Variants in LEMD3 observed in about 807,000 individuals in gnomAD.
The protein encoded by LEMD3 is inner nuclear membrane protein Man1.
A neutral mutation model predicts 95.2 loss-of-function variants in LEMD3; 33 were observed. The ratio of observed to expected loss-of-function variants is 0.35; its 90% CI spans 0.26 to 0.46. LEMD3 has a LOEUF of 0.46. Among genes scored for constraint, LEMD3 ranks in the 20% least tolerant of loss-of-function variants. The probability of loss-of-function intolerance (pLI) is 1.00; values close to 1 mark genes in which losing one functional copy is unlikely to be tolerated. For synonymous variants in LEMD3, 525 were observed against 474.6 expected (o/e 1.11, Z -1.38); for missense variants, 1,210 against 1,192.8 (o/e 1.01, Z -0.21).
Position 65,169,937 on chromosome 12 carries a change from G to C in LEMD3, c.341G>C (p.Gly114Ala). The C allele has an allele frequency of 6.9e-7, 1 of 1,452,178 alleles. No individual in the cohort carries two copies. Among genetic ancestry groups the C allele is most frequent in the Non-Finnish European group, 9.0e-7 (1 of 1,110,034 alleles). The allele number at this position is 1,452,178 out of a possible 1,614,324, so 90.0% of individuals were successfully genotyped here. The change falls in exon 1 of 13, where the codon GGC becomes GCC. Residue 114 changes from glycine to alanine, a missense_variant. Around this residue, in one of 2 missense-constraint regions of LEMD3, gnomAD observed 749 missense variants for 622.9 expected, o/e 1.20. Coordinates refer to ENST00000308330, the MANE Select transcript of LEMD3 (RefSeq NM_014319.5). ...PGGLCRISAS[G>A]PESLLGGPGG... The stretch of plus-strand genomic sequence containing the variant: ...GGCCTGTGCCGAATCTCGGCCTCTG[G>C]CCCAGAGAGCCTCCTGGGAGGGCCC...
chr12:65,188,314 T>G (rs973335926), intron 1 of LEMD3, among the ~76,000 whole-genome samples: 3 of 152,226 alleles, frequency 2.0e-5, no homozygotes, highest in Non-Finnish European at 2.9e-5. Flanking sequence ...CGGGGAGAGA[T>G]AGCCTAGTAA....
intron 4 of LEMD3, among the ~76,000 whole-genome samples, chr12:65,219,057 G>A (rs537473039): frequency 6.6e-6 from 1 of 152,260 alleles, no homozygotes; most frequent in South Asian, 2.1e-4. Context: ...CTCCCAAAGT[G>A]CTGGGATTAT....
At chr12:65,207,688 C>T (rs993746780) in intron 1 of LEMD3, among the ~76,000 whole-genome samples, 11 of 152,154 alleles carry the variant, frequency 7.2e-5, no homozygotes, top group South Asian at 2.1e-4. Context: ...CCAAAGAAAG[C>T]GTAGGAAAGC....
intron 3 of LEMD3, among the ~76,000 whole-genome samples, chr12:65,217,286 G>T (rs754295831): frequency 2.0e-5 from 3 of 152,142 alleles, no homozygotes; most frequent in Non-Finnish European, 2.9e-5. Context: ...AATGAGCTTG[G>T]CTGTATTCCA....
chr12:65,207,689 G>T, intron 1 of LEMD3, among the ~76,000 whole-genome samples: 1 of 152,064 alleles, frequency 6.6e-6, no homozygotes, highest in East Asian at 1.9e-4. Flanking sequence ...CAAAGAAAGC[G>T]TAGGAAAGCA....
At position 65,169,851 on chromosome 12, in the gene LEMD3, G is replaced by A. The variant is rs1385135842; in HGVS notation, c.255G>A (p.Ala85=). 2 of 1,457,312 alleles carry A rather than the reference G, an allele frequency of 1.4e-6. No homozygotes were observed. Among genetic ancestry groups the A allele is most frequent in the Non-Finnish European group, 1.8e-6 (2 of 1,101,276 alleles). The allele number at this position is 1,457,312 out of a possible 1,614,324, so 90.3% of individuals were successfully genotyped here. A position where few individuals can be genotyped will look rare whatever the true frequency, so the allele number is the denominator to read the frequency against. Residue 85 remains alanine (A), a synonymous_variant, in exon 1 of 13, where the codon GCG becomes GCA. Transcript: ENST00000308330. ...TVAAAGPAAA[A]AAGMGVRPVS... ...CAGCCGCGGGACCAGCGGCGGCGGC[G>A]GCCGCGGGGATGGGGGTCCGGCCGG... is the stretch of plus-strand genomic sequence containing the variant.
intron 3 of LEMD3, among the ~76,000 whole-genome samples, chr12:65,217,684 G>C (rs117387379): frequency 6.6e-6 from 1 of 152,066 alleles, no homozygotes; most frequent in Non-Finnish European, 1.5e-5. Flanking sequence ...CCCTGAATTC[G>C]CTTCTTATCA....
chr12:65,221,620 T>C (rs777076964), intron 4 of LEMD3, among the ~76,000 whole-genome samples: 2 of 152,134 alleles, frequency 1.3e-5, no homozygotes, highest in African/African-American at 2.4e-5. Flanking sequence ...GATTTGGATG[T>C]TTTTTATTTC....
rs934110189 is a variant in LEMD3 at position 65,228,686 on chromosome 12, G to A, written c.1696-9816G>A. Among the ~76,000 whole-genome samples, 189 of 152,160 alleles carry A rather than the reference G, an allele frequency of 1.2e-3. 1 individual carries two copies. The highest frequency in any genetic ancestry group is 4.2e-3 in the African/African-American group (176 of 41,532). ...GCTGGGATTACAGGCGTGAGCCACC[G>A]TGCCTGGCCACTTTTATTATTTTTA... On this transcript the variant is annotated intron_variant, in intron 4 of 12. Transcript: ENST00000308330.
chr12:65,240,066 A>G, intron 7 of LEMD3, 36 bp downstream of exon 7: 2 of 1,547,112 alleles, frequency 1.3e-6, no homozygotes, highest in Non-Finnish European at 1.8e-6. Context: ...TATTTCTAGA[A>G]GAGTCATTGC....
Position 65,218,548 on chromosome 12 carries a change from C to G in LEMD3, c.1628-4C>G. ...CAAAATTAATAATATGCTAATCTTTCCAGGAGATCATGAATGTGGCAGTTC... is the reference window on the plus strand; with the variant it reads ...CAAAATTAATAATATGCTAATCTTTGCAGGAGATCATGAATGTGGCAGTTC... On this transcript the variant is annotated splice_polypyrimidine_tract_variant and splice_region_variant and intron_variant, in intron 3 of 12. Coordinates refer to ENST00000308330, the MANE Select transcript of LEMD3 (RefSeq NM_014319.5). 1 of 1,591,940 alleles carries G rather than the reference C, an allele frequency of 6.3e-7. No individual in the cohort carries two copies. The highest frequency in any genetic ancestry group is 1.1e-5 in the South Asian group (1 of 89,926).
At chr12:65,180,280 T>C (rs1380135073) in intron 1 of LEMD3, among the ~76,000 whole-genome samples, 3 of 151,872 alleles carry the variant, frequency 2.0e-5, no homozygotes, top group African/African-American at 7.2e-5. Context: ...AGTAACAGTA[T>C]AGTTGAGCAG....
chr12:65,197,515 C>T (rs1869468759), intron 1 of LEMD3, among the ~76,000 whole-genome samples: 1 of 152,084 alleles, frequency 6.6e-6, no homozygotes, highest in Admixed American at 6.6e-5. Flanking sequence ...ATGTCTTTAG[C>T]CTACTTTACC....
At chr12:65,238,439 G>A in intron 4 of LEMD3, 63 bp from the exon 5 acceptor site, 1 of 982,670 alleles carries the variant, frequency 1.0e-6, no homozygotes, top group Non-Finnish European at 1.6e-6. Context: ...TGTTATAAAG[G>A]ATACTTTACA....
intron 3 of LEMD3, among the ~76,000 whole-genome samples, chr12:65,217,991 A>C (rs528776006): frequency 1.8e-4 from 27 of 152,288 alleles, no homozygotes; most frequent in African/African-American, 6.5e-4. Flanking sequence ...TTATGTTATA[A>C]CAGTTTTTAA....
chr12:65,184,135 TA>T (rs1868990559), intron 1 of LEMD3, among the ~76,000 whole-genome samples: 1 of 152,194 alleles, frequency 6.6e-6, no homozygotes, highest in Non-Finnish European at 1.5e-5. Flanking sequence ...TTTTTTCAGT[TA>T]TTTTACAGGA....
At chr12:65,171,310 T>C in intron 1 of LEMD3, 192 bp downstream of exon 1, 1 of 989,124 alleles carries the variant, frequency 1.0e-6, no homozygotes. Context: ...TGGCTGGTTT[T>C]AAAAGTTTTC....
intron 1 of LEMD3, among the ~76,000 whole-genome samples, chr12:65,179,894 A>C (rs1462232555): frequency 6.6e-6 from 1 of 152,134 alleles, no homozygotes; most frequent in African/African-American, 2.4e-5. Flanking sequence ...TTTGCTTATA[A>C]CTTTGGATTT....
intron 2 of LEMD3, among the ~76,000 whole-genome samples, chr12:65,211,423 A>G (rs896072010): frequency 2.6e-5 from 4 of 152,232 alleles, no homozygotes; most frequent in Non-Finnish European, 4.4e-5. Context: ...AAGGAAGCAT[A>G]TCCTTCAGGC....
Sources: allele counts gnomAD v4.1 joint callset (sites outside exome capture counted in the v4.1 genomes callset), GRCh38; gene constraint gnomAD v4.1.1; regional missense constraint gnomAD v4.1.1; transcripts MANE v1.5; gene names NCBI Gene and HGNC (gene_info 2026-07-23, HGNC 2026-07-21).